Variants in LHFPL3 observed in about 807,000 individuals in gnomAD.
The protein encoded by LHFPL3 is LHFPL tetraspan subfamily member 3 protein.
LHFPL3 carries 5 observed loss-of-function variants against 19.3 expected under a neutral mutation model. The ratio of observed to expected loss-of-function variants is 0.26; its 90% CI spans 0.14 to 0.54. The LOEUF (loss-of-function observed/expected upper bound fraction) is 0.54, where lower values mean the gene tolerates loss of function less well. Among genes scored for constraint, LHFPL3 ranks in the 20% least tolerant of loss-of-function variants. LHFPL3 has a pLI of 0.94. For synonymous variants in LHFPL3, 133 were observed against 126.2 expected (o/e 1.05, Z -0.36); for missense variants, 249 against 307.4 (o/e 0.81, Z 1.42).
intron 1 of LHFPL3, among the ~76,000 whole-genome samples, chr7:104,660,898 C>A (rs534339804): frequency 9.2e-5 from 14 of 152,324 alleles, no homozygotes; most frequent in African/African-American, 3.4e-4. Flanking sequence ...AGACCACTTT[C>A]CCTAAAAGTA....
intron 1 of LHFPL3, among the ~76,000 whole-genome samples, chr7:104,703,490 C>A (rs2116183567): frequency 6.6e-6 from 1 of 152,280 alleles, no homozygotes; most frequent in South Asian, 2.1e-4. Context: ...TCATGGATAT[C>A]ATCTTTTGTC....
rs551408667 is a variant in LHFPL3, at chr7:104,718,081, C to CT, written c.446-18593dup. Among the ~76,000 whole-genome samples the CT allele has an allele frequency of 1.8e-3, 278 of 152,240 alleles. 1 individual carries two copies. Among genetic ancestry groups the CT allele is most frequent in the African/African-American group, 6.5e-3 (268 of 41,534 alleles). The stretch of plus-strand genomic sequence containing the variant: ...ACAGAAGGACAAACACTTCAGGTAT[C>CT]TATCTAAAATAGTTAAACTCATAGA... On this transcript the variant is annotated intron_variant, in intron 1 of 2. Coordinates refer to ENST00000424859, the MANE Select transcript of LHFPL3 (RefSeq NM_199000.3).
chr7:104,474,438 G>A (rs1482040162), intron 1 of LHFPL3, among the ~76,000 whole-genome samples: 1 of 151,960 alleles, frequency 6.6e-6, no homozygotes, highest in Non-Finnish European at 1.5e-5. Flanking sequence ...GTCGAGGCAG[G>A]CGCATCACGA....
intron 1 of LHFPL3, among the ~76,000 whole-genome samples, chr7:104,498,574 T>G (rs972915795): frequency 1.3e-5 from 2 of 151,084 alleles, no homozygotes; most frequent in African/African-American, 4.9e-5. Flanking sequence ...TGCCTCCAGG[T>G]TCAAGAGATT....
In LHFPL3 at chr7:104,357,562, A is replaced by G. The variant is rs139114789; in HGVS notation, c.445+28338A>G. Among the ~76,000 whole-genome samples the G allele has an allele frequency of 2.2e-3, 329 of 152,340 alleles. 2 individuals are homozygous for G. Among genetic ancestry groups the G allele is most frequent in the African/African-American group, 7.7e-3 (319 of 41,578 alleles). ...TTTAAGTCTCCCTTTCCCATCCTGT[A>G]TCAGTCAGGGTTCAATGAGAGAAAC... On this transcript the variant is annotated intron_variant, in intron 1 of 2. Coordinates refer to ENST00000424859, the MANE Select transcript of LHFPL3 (RefSeq NM_199000.3).
chr7:104,417,122 G>C (rs1236964462), intron 1 of LHFPL3, among the ~76,000 whole-genome samples: 2 of 152,178 alleles, frequency 1.3e-5, no homozygotes, highest in Non-Finnish European at 2.9e-5. Context: ...CCATTACGTT[G>C]ATGTCTTTAC....
At chr7:104,561,771 C>G (rs1179092248) in intron 1 of LHFPL3, among the ~76,000 whole-genome samples, 2 of 152,058 alleles carry the variant, frequency 1.3e-5, no homozygotes, top group Non-Finnish European at 2.9e-5. Flanking sequence ...CAGTTTCTTC[C>G]TAGTCTCGAT....
intron 1 of LHFPL3, among the ~76,000 whole-genome samples, chr7:104,584,989 A>G (rs908779815): frequency 4.6e-5 from 7 of 152,156 alleles, no homozygotes; most frequent in Non-Finnish European, 8.8e-5. Flanking sequence ...AGCCTCATAC[A>G]CATTCATGAA....
intron 1 of LHFPL3, among the ~76,000 whole-genome samples, chr7:104,363,608 ACT>A (rs1045957630): frequency 5.5e-4 from 83 of 152,202 alleles, no homozygotes; most frequent in Middle Eastern, 3.4e-3. Context: ...TGTGGCATCC[ACT>A]CTCAGTGTTG....
intron 1 of LHFPL3, among the ~76,000 whole-genome samples, chr7:104,490,366 ATC>A (rs1474618702): frequency 2.0e-5 from 3 of 152,152 alleles, no homozygotes; most frequent in African/African-American, 7.2e-5. Context: ...GTAAAGTACT[ATC>A]TCTTCCTAAT....
At chr7:104,821,353 G>A (rs1027010049) in intron 2 of LHFPL3, among the ~76,000 whole-genome samples, 3 of 152,236 alleles carry the variant, frequency 2.0e-5, no homozygotes, top group Non-Finnish European at 4.4e-5. Context: ...CTCTGCTGAG[G>A]AGAGGCAAGG....
intron 1 of LHFPL3, among the ~76,000 whole-genome samples, chr7:104,568,054 T>G (rs941790499): frequency 1.3e-5 from 2 of 152,196 alleles, no homozygotes; most frequent in African/African-American, 4.8e-5. Context: ...TCTAATTCCC[T>G]TCTTTAAATT....
chr7:104,852,785 G>A (rs1003148798), intron 2 of LHFPL3, among the ~76,000 whole-genome samples: 2 of 152,230 alleles, frequency 1.3e-5, no homozygotes, highest in African/African-American at 4.8e-5. Flanking sequence ...GTGAGCTACT[G>A]GAGCATGGGG....
At chr7:104,557,741 A>G in intron 1 of LHFPL3, among the ~76,000 whole-genome samples, 1 of 151,358 alleles carries the variant, frequency 6.6e-6, no homozygotes, top group Non-Finnish European at 1.5e-5. Context: ...GGTTAGTTAC[A>G]TATGTATACA....
rs1554415336 is a variant in LHFPL3, at chr7:104,614,680, C to CT, written c.446-121993dup. Among the ~76,000 whole-genome samples, 193 of 94,470 alleles carry CT rather than the reference C, an allele frequency of 2.0e-3. 1 individual carries two copies. The highest frequency in any genetic ancestry group is 9.0e-3 in the East Asian group (30 of 3,336). 62.0% of individuals were successfully genotyped at this position (94,470 alleles called of 152,430 possible). A position where few individuals can be genotyped will look rare whatever the true frequency, so the allele number is the denominator to read the frequency against. The stretch of plus-strand genomic sequence containing the variant: ...CCTTCCTTCCTTCCTTCCTTCCTTC[C>CT]TTCTTTCTTTCTTTCTTTCTTTCTT... On this transcript the variant is annotated intron_variant, in intron 1 of 2. Transcript: ENST00000424859.
chr7:104,755,390 A>C (rs1011702772), intron 2 of LHFPL3, among the ~76,000 whole-genome samples: 6 of 152,144 alleles, frequency 3.9e-5, no homozygotes, highest in Non-Finnish European at 8.8e-5. Flanking sequence ...GGGGCCACTC[A>C]TGCAATTCAC....
At chr7:104,621,409 A>G (rs1026638758) in intron 1 of LHFPL3, among the ~76,000 whole-genome samples, 2 of 152,220 alleles carry the variant, frequency 1.3e-5, no homozygotes, top group Non-Finnish European at 2.9e-5. Flanking sequence ...TCCCAGAGTT[A>G]ACATATTTGC....
chr7:104,523,045 T>G (rs988018577), intron 1 of LHFPL3, among the ~76,000 whole-genome samples: 6 of 151,796 alleles, frequency 4.0e-5, no homozygotes, highest in Non-Finnish European at 5.9e-5. Context: ...CATATGCACA[T>G]TATATATACA....
rs1292889716 is a variant in LHFPL3 at position 104,483,845 on chromosome 7, G to A, written c.445+154621G>A. On this transcript the variant is annotated intron_variant, in intron 1 of 2. Transcript: ENST00000424859. ...CTCACTATGTTACTCAGGCTTGTCT[G>A]AAACTCCTGGTTCAAGCGATCCTCC... 2.6e-5 allele frequency among the ~76,000 whole-genome samples: 4 copies of A among 152,074 alleles called. No homozygotes were observed. The East Asian group carries it at 7.7e-4, about 29-fold the overall frequency.
Sources: allele counts gnomAD v4.1 joint callset (sites outside exome capture counted in the v4.1 genomes callset), GRCh38; gene constraint gnomAD v4.1.1; transcripts MANE v1.5; gene names NCBI Gene and HGNC (gene_info 2026-07-23, HGNC 2026-07-21).